The following GATAD2B variants were observed in gnomAD, a reference collection of about 807,000 sequenced individuals.
The protein encoded by GATAD2B is GATA zinc finger domain containing 2B.
GATAD2B carries 8 observed loss-of-function variants against 64.3 expected under a neutral mutation model. The ratio of observed to expected loss-of-function variants is 0.12; its 90% CI spans 0.07 to 0.22. The LOEUF is 0.22. Ranked by LOEUF, GATAD2B falls within the 10% of genes least tolerant of loss-of-function variation. The pLI is 1.00. For missense variants in GATAD2B, 453 were observed against 752.0 expected (o/e 0.60, Z 4.65); for synonymous variants, 281 against 271.3 (o/e 1.04, Z -0.35).
intron 1 of GATAD2B, among the ~76,000 whole-genome samples, chr1:153,883,647 C>A (rs1049524426): frequency 6.6e-6 from 1 of 152,028 alleles, no homozygotes; most frequent in African/African-American, 2.4e-5. Context: ...TTTTTAACAA[C>A]CCATTCAAAG....
chr1:153,810,891 G>A (rs930737805), intron 10 of GATAD2B, among the ~76,000 whole-genome samples: 2 of 152,110 alleles, frequency 1.3e-5, no homozygotes, highest in East Asian at 1.9e-4. Context: ...AGCCTCCCGA[G>A]TAGCTGGGAT....
intron 4 of GATAD2B, among the ~76,000 whole-genome samples, chr1:153,818,550 G>A (rs1485548389): frequency 1.3e-5 from 2 of 151,698 alleles, no homozygotes; most frequent in Admixed American, 6.6e-5. Flanking sequence ...TCCTGACCTC[G>A]TGATCCACCC....
intron 1 of GATAD2B, among the ~76,000 whole-genome samples, chr1:153,836,748 TATTC>T (rs1394278377): frequency 6.6e-6 from 1 of 152,160 alleles, no homozygotes; most frequent in Non-Finnish European, 1.5e-5. Flanking sequence ...TTTTGAGATA[TATTC>T]ACGTGCACTG....
At position 153,918,894 on chromosome 1, in the gene GATAD2B, T is replaced by C. The variant is rs143818614; in HGVS notation, c.-2+3839A>G. ...TGAACCCAGGAGGCAGAGGTTGCAC[T>C]GAGCTGAGATCACACCACTGCACTC... On this transcript the variant is annotated intron_variant, in intron 1 of 10. Coordinates refer to ENST00000368655, the MANE Select transcript of GATAD2B (RefSeq NM_020699.4). Among the ~76,000 whole-genome samples the C allele has an allele frequency of 1.9e-3, 286 of 152,196 alleles. 2 individuals carry two copies. Among genetic ancestry groups the C allele is most frequent in the African/African-American group, 6.5e-3 (270 of 41,520 alleles).
At position 153,828,455 on chromosome 1, in the gene GATAD2B, T is replaced by TAC. The variant is rs71093290; in HGVS notation, c.-1-109_-1-108dup. On this transcript the variant is annotated intron_variant, in intron 1 of 10. Transcript: ENST00000368655. ...TTAACAAGAATCTCTCTCTCACACA[T>TAC]ACACACACACACACACACACACACA... 0.2 allele frequency: 113,810 copies of TAC among 575,454 alleles called. 3,706 individuals carry two copies. The highest frequency in any genetic ancestry group is 0.22 in the South Asian group (10,472 of 46,550). The allele number at this position is 575,454 out of a possible 1,614,324, so 35.6% of individuals were successfully genotyped here.
At chr1:153,822,313 T>C (rs1674709778) in intron 2 of GATAD2B, among the ~76,000 whole-genome samples, 1 of 152,220 alleles carries the variant, frequency 6.6e-6, no homozygotes, top group Non-Finnish European at 1.5e-5. Flanking sequence ...GGTAAGGAAT[T>C]CTTCCTTGCT....
intron 1 of GATAD2B, among the ~76,000 whole-genome samples, chr1:153,873,964 A>G (rs1481163161): frequency 1.3e-5 from 2 of 151,236 alleles, no homozygotes; most frequent in African/African-American, 4.9e-5. Context: ...GGAAAGAAAG[A>G]AAGGTAGGGA....
At chr1:153,840,557 G>A (rs1458519133) in intron 1 of GATAD2B, among the ~76,000 whole-genome samples, 2 of 151,520 alleles carry the variant, frequency 1.3e-5, no homozygotes, top group African/African-American at 4.9e-5. Flanking sequence ...AGCTGGTCTC[G>A]AACTCCCGAC....
intron 1 of GATAD2B, among the ~76,000 whole-genome samples, chr1:153,885,253 A>G (rs545044511): frequency 1.3e-5 from 2 of 152,042 alleles, no homozygotes; most frequent in South Asian, 4.2e-4. Flanking sequence ...GCCAATCTCC[A>G]CTTTACCCAC....
At chr1:153,852,168 A>T (rs1193347208) in intron 1 of GATAD2B, 5 of 818,144 alleles carry the variant, frequency 6.1e-6, no homozygotes, top group Admixed American at 3.9e-5. Context: ...TTTGGTCCTA[A>T]GCATTCTGAG....
intron 1 of GATAD2B, among the ~76,000 whole-genome samples, chr1:153,881,174 T>C (rs1051090330): frequency 7.2e-5 from 11 of 152,056 alleles, no homozygotes; most frequent in African/African-American, 1.4e-4. Context: ...CACATTCTCA[T>C]TGCTTTGCAG....
rs183986406 is a variant in GATAD2B at position 153,866,811 on chromosome 1, C to G, written c.-1-38463G>C. 3.5e-4 allele frequency among the ~76,000 whole-genome samples: 54 copies of G among 152,294 alleles called. No individual in the cohort carries two copies. In the East Asian group the frequency reaches 0.01, roughly 29 times the overall value. ...GTTTTGTTTTGTTTTGAGACGGAGT[C>G]TTGCTCTGTCGCCAGGCTGGAGTGC... is the stretch of plus-strand genomic sequence containing the variant. On this transcript the variant is annotated intron_variant, in intron 1 of 10. Coordinates refer to ENST00000368655, the MANE Select transcript of GATAD2B (RefSeq NM_020699.4).
At chr1:153,861,947 A>G (rs909665049) in intron 1 of GATAD2B, among the ~76,000 whole-genome samples, 2 of 149,946 alleles carry the variant, frequency 1.3e-5, no homozygotes, top group African/African-American at 4.9e-5. Context: ...TTTAGGATAC[A>G]GAAACAATTC....
At chr1:153,906,364 A>C (rs1223016210) in intron 1 of GATAD2B, among the ~76,000 whole-genome samples, 1 of 151,754 alleles carries the variant, frequency 6.6e-6, no homozygotes, top group Non-Finnish European at 1.5e-5. Context: ...GGTTGCAGTG[A>C]ACCAAGATTG....
intron 4 of GATAD2B, among the ~76,000 whole-genome samples, chr1:153,818,565 C>T (rs572466509): frequency 6.6e-6 from 1 of 151,896 alleles, no homozygotes; most frequent in Admixed American, 6.6e-5. Flanking sequence ...CCACCCGCCT[C>T]GGCCTCCCAA....
chr1:153,824,921 TA>T (rs1292978175), intron 2 of GATAD2B, among the ~76,000 whole-genome samples: 1 of 152,002 alleles, frequency 6.6e-6, no homozygotes, highest in East Asian at 1.9e-4. Context: ...TCGTCTCTAC[TA>T]AAAATACAAA....
chr1:153,897,474 T>C (rs1259477865), intron 1 of GATAD2B, among the ~76,000 whole-genome samples: 1 of 152,202 alleles, frequency 6.6e-6, no homozygotes, highest in Non-Finnish European at 1.5e-5. Flanking sequence ...AAAAGAGAGT[T>C]ACCTCAAATA....
chr1:153,864,871 C>G (rs1448223355), intron 1 of GATAD2B, among the ~76,000 whole-genome samples: 1 of 151,672 alleles, frequency 6.6e-6, no homozygotes, highest in Non-Finnish European at 1.5e-5. Flanking sequence ...GAGTTCGAGA[C>G]CAGCCAGGTC....
chr1:153,813,179 A>G, intron 8 of GATAD2B, 71 bp downstream of exon 8: 3 of 1,211,856 alleles, frequency 2.5e-6, no homozygotes, highest in Non-Finnish European at 3.6e-6. Context: ...CCACTCCTGC[A>G]AACTAGAAGG....
Sources: allele counts gnomAD v4.1 joint callset (sites outside exome capture counted in the v4.1 genomes callset), GRCh38; gene constraint gnomAD v4.1.1; transcripts MANE v1.5; gene names NCBI Gene and HGNC (gene_info 2026-07-23, HGNC 2026-07-21).